The following GRID1 variants were observed in gnomAD, a reference collection of about 807,000 sequenced individuals.
The protein encoded by GRID1 is glutamate receptor ionotropic, delta-1.
GRID1 carries 28 observed loss-of-function variants against 98.0 expected under a neutral mutation model. The observed-to-expected ratio is 0.29, with a 90% CI of 0.21 to 0.39. The LOEUF is 0.39. Among genes scored for constraint, GRID1 ranks in the 10% least tolerant of loss-of-function variants. GRID1 has a pLI of 1.00. For synonymous variants in GRID1, 553 were observed against 538.5 expected, an observed-to-expected ratio of 1.03 and a Z score of -0.37; for missense variants, 1,111 against 1,340.5, an observed-to-expected ratio of 0.83 and a Z score of 2.67.
At chr10:85,961,846 G>A (rs1412775305) in intron 4 of GRID1, among the ~76,000 whole-genome samples, 1 of 150,640 alleles carries the variant, frequency 6.6e-6, no homozygotes, top group Non-Finnish European at 1.5e-5. Context: ...TCCTTCCTAA[G>A]GACAAAAAGG....
At chr10:85,865,339 C>A (rs534386425) in intron 6 of GRID1, among the ~76,000 whole-genome samples, 2 of 152,292 alleles carry the variant, frequency 1.3e-5, no homozygotes, top group African/African-American at 4.8e-5. Context: ...TATAATAGTT[C>A]TTGGTTGGCT....
chr10:86,145,375 A>C (rs1845072277), intron 3 of GRID1, among the ~76,000 whole-genome samples: 1 of 152,144 alleles, frequency 6.6e-6, no homozygotes, highest in Non-Finnish European at 1.5e-5. Context: ...GACACCCGCC[A>C]CCACGCCCGG....
chr10:86,347,364 C>G (rs1392462694), intron 2 of GRID1, among the ~76,000 whole-genome samples: 1 of 152,232 alleles, frequency 6.6e-6, no homozygotes, highest in Non-Finnish European at 1.5e-5. Context: ...TCTACCGTGC[C>G]TCTTTCACTC....
chr10:85,928,762 T>C (rs557804952), intron 4 of GRID1, among the ~76,000 whole-genome samples: 1 of 152,362 alleles, frequency 6.6e-6, no homozygotes, highest in South Asian at 2.1e-4. Flanking sequence ...AGCCTTCATC[T>C]TTATCCTTGT....
intron 4 of GRID1, among the ~76,000 whole-genome samples, chr10:85,917,256 C>A (rs375692792): frequency 1.3e-5 from 2 of 152,078 alleles, no homozygotes; most frequent in East Asian, 3.9e-4. Flanking sequence ...AGATTGGAGT[C>A]CTGTTTTTTT....
chr10:85,958,181 T>C (rs575970848), intron 4 of GRID1, among the ~76,000 whole-genome samples: 2 of 152,286 alleles, frequency 1.3e-5, no homozygotes, highest in Admixed American at 6.5e-5. Context: ...ATTACTGCAG[T>C]TTGAATTTTA....
intron 8 of GRID1, among the ~76,000 whole-genome samples, chr10:85,775,895 C>T (rs546413273): frequency 6.6e-6 from 1 of 152,030 alleles, no homozygotes; most frequent in African/African-American, 2.4e-5. Context: ...AGGACTTTCA[C>T]TATATAATAG....
At chr10:85,877,808 C>T (rs1033861157) in intron 5 of GRID1, among the ~76,000 whole-genome samples, 9 of 151,916 alleles carry the variant, frequency 5.9e-5, no homozygotes, top group Admixed American at 2.6e-4. Context: ...AGGCTTCAGA[C>T]GATGAAAATA....
intron 5 of GRID1, among the ~76,000 whole-genome samples, chr10:85,893,487 G>A (rs1444064343): frequency 6.6e-6 from 1 of 152,062 alleles, no homozygotes; most frequent in Non-Finnish European, 1.5e-5. Flanking sequence ...AAAAATCCCA[G>A]GAAATCTAAA....
At chr10:85,963,638 T>A (rs1367052996) in intron 4 of GRID1, among the ~76,000 whole-genome samples, 1 of 152,212 alleles carries the variant, frequency 6.6e-6, no homozygotes, top group African/African-American at 2.4e-5. Context: ...CATGTCCATA[T>A]GTATAAGACT....
chr10:86,121,808 GAGA>G (rs1324237257), intron 4 of GRID1, among the ~76,000 whole-genome samples: 1 of 152,180 alleles, frequency 6.6e-6, no homozygotes, highest in Non-Finnish European at 1.5e-5. Context: ...CAAAGGTTTG[GAGA>G]AGTTTTATAA....
chr10:85,916,119 C>T lies in GRID1; in HGVS notation c.780+67G>A. On this transcript the variant is annotated intron_variant, in intron 5 of 15. Transcript: ENST00000327946. The surrounding 1 kb of genome is among the most constrained non-coding windows in gnomAD (Gnocchi z 4.0). ...GTCAGAATTGAACTGAAAAGAATCA[C>T]ACTGAGCTTTACAAGGGGCTAGGGG... is the stretch of plus-strand genomic sequence containing the variant. The T allele has an allele frequency of 8.4e-7, 1 of 1,190,562 alleles. No individual in the cohort carries two copies. The highest frequency in any genetic ancestry group is 1.3e-6 in the Non-Finnish European group (1 of 798,892). 73.7% of individuals were successfully genotyped at this position (1,190,562 alleles called of 1,614,324 possible).
intron 5 of GRID1, among the ~76,000 whole-genome samples, chr10:85,895,016 A>AAATATATATATATATAT (rs766551035): frequency 4.1e-5 from 4 of 97,106 alleles, no homozygotes; most frequent in Non-Finnish European, 8.3e-5. Context: ...AAAAAAAAAA[A>AAATATATATATATATAT]ATATATATAT....
intron 2 of GRID1, among the ~76,000 whole-genome samples, chr10:86,228,233 G>A (rs184829032): frequency 7.0e-6 from 1 of 143,210 alleles, no homozygotes; most frequent in African/African-American, 2.6e-5. Flanking sequence ...GGATGGATGT[G>A]TACATGGGTG....
At chr10:85,909,897 T>C (rs1209126877) in intron 5 of GRID1, among the ~76,000 whole-genome samples, 2 of 152,218 alleles carry the variant, frequency 1.3e-5, no homozygotes, top group Non-Finnish European at 2.9e-5. Flanking sequence ...AAGTATTGTA[T>C]GTATTGCATG....
intron 1 of GRID1, 126 bp from the exon 2 acceptor site, chr10:86,364,222 C>T: frequency 2.7e-6 from 2 of 735,028 alleles, no homozygotes; most frequent in South Asian, 3.5e-5. Flanking sequence ...ACTGGGATTT[C>T]AGCTTGGCGG....
Position 85,737,645 on chromosome 10 carries a change from G to GATATATAT in GRID1, c.1234-8039_1234-8032dup, listed in dbSNP as rs66947723. On this transcript the variant is annotated intron_variant, in intron 8 of 15. Coordinates refer to ENST00000327946, the MANE Select transcript of GRID1 (RefSeq NM_017551.3). ...TTGAACAACAACAACAGTAAAGCCAGATATATATATATATATATATATATA... is the reference window on the plus strand; with the variant it reads ...TTGAACAACAACAACAGTAAAGCCAGATATATATATATATATATATATATATATATATA... 2.9e-3 allele frequency among the ~76,000 whole-genome samples: 279 copies of GATATATAT among 95,654 alleles called. 1 individual carries two copies. The highest frequency in any genetic ancestry group is 4.8e-3 in the South Asian group (13 of 2,714). The allele number at this position is 95,654 out of a possible 152,430, so 62.8% of individuals were successfully genotyped here. A position where few individuals can be genotyped will look rare whatever the true frequency, so the allele number is the denominator to read the frequency against.
chr10:85,730,828 T>C (rs1401392903), intron 8 of GRID1, among the ~76,000 whole-genome samples: 3 of 152,164 alleles, frequency 2.0e-5, no homozygotes, highest in Admixed American at 1.3e-4. Context: ...GGCCTGAGAT[T>C]ATTCATGTCT....
intron 15 of GRID1, among the ~76,000 whole-genome samples, chr10:85,608,001 G>C (rs919119156): frequency 1.9e-4 from 29 of 151,916 alleles, no homozygotes; most frequent in African/African-American, 7.0e-4. Flanking sequence ...AAAAATTGTA[G>C]AGACTGGGGT....
Sources: gnomAD v4.1 joint callset for allele counts (sites outside exome capture counted in the v4.1 genomes callset) on GRCh38, gnomAD v4.1.1 for gene constraint, Gnocchi (gnomAD v3.1) non-coding constraint, MANE v1.5 for transcripts, NCBI Gene and HGNC (gene_info 2026-07-23, HGNC 2026-07-21) for gene names.